The following RSPH14 variants were observed in gnomAD, a reference collection of about 807,000 sequenced individuals.
RSPH14 encodes the protein rhabdoid tumor deletion region gene 1.
RSPH14 carries 20 observed loss-of-function variants against 26.7 expected under a neutral mutation model. The ratio of observed to expected loss-of-function variants is 0.75; its 90% CI spans 0.53 to 1.09. The LOEUF is 1.09. Among genes scored for constraint, RSPH14 ranks in the 50% least tolerant of loss-of-function variants. The pLI, the probability that RSPH14 is intolerant of heterozygous loss-of-function variation, is 0.00. For missense variants in RSPH14, 449 were observed against 457.2 expected, an observed-to-expected ratio of 0.98 and a Z score of 0.16; for synonymous variants, 177 against 189.3, an observed-to-expected ratio of 0.93 and a Z score of 0.53.
intron 4 of RSPH14, among the ~76,000 whole-genome samples, chr22:23,117,597 G>C (rs2069886841): frequency 6.6e-6 from 1 of 152,260 alleles, no homozygotes; most frequent in Non-Finnish European, 1.5e-5. Context: ...GCGAATCACA[G>C]TGGGTGTGGC....
At chr22:23,145,556 G>C, upstream of RSPH14, 1 of 1,598,856 alleles carries the variant, frequency 6.3e-7, no homozygotes, top group South Asian at 1.1e-5. Flanking sequence ...TCGCTGGTGA[G>C]TCAGCTCGCC....
chr22:23,064,090 T>C lies in RSPH14; in HGVS notation c.465A>G (p.Val155=). 5 of 1,614,100 alleles carry C rather than the reference T, an allele frequency of 3.1e-6. No individual in the cohort carries two copies. The highest frequency in any genetic ancestry group is 1.3e-5 in the African/African-American group (1 of 75,028). The change falls in exon 5 of 7, where the codon GTA becomes GTG. Residue 155 remains valine (V), a synonymous_variant. Transcript: ENST00000216036. ...CCTCCACCTCCACCTGCAGCTTCCATACCAGTGAGGAAATCAGACCTTTGC... is the reference window on the plus strand; with the variant it reads ...CCTCCACCTCCACCTGCAGCTTCCACACCAGTGAGGAAATCAGACCTTTGC... ...IISKGLISSL[V]WKLQVEVEEE...
At chr22:23,079,383 A>G (rs968184700) in intron 4 of RSPH14, among the ~76,000 whole-genome samples, 1 of 152,184 alleles carries the variant, frequency 6.6e-6, no homozygotes, top group African/African-American at 2.4e-5. Context: ...GGAGGAAGGA[A>G]CAGCCAGTGC....
chr22:23,153,935 C>T, the RSPH14 span, among the ~76,000 whole-genome samples: 9 of 152,054 alleles, frequency 5.9e-5, no homozygotes, highest in Admixed American at 3.9e-4. Context: ...GTGCTCCACC[C>T]GCTTCAGCCT....
At chr22:23,156,031 G>A in the RSPH14 span, 1 of 1,611,648 alleles carries the variant, frequency 6.2e-7, no homozygotes, top group African/African-American at 1.3e-5. Context: ...GGGGTGCCCA[G>A]GGTGAGCAAC....
the RSPH14 span, among the ~76,000 whole-genome samples, chr22:23,165,496 A>G: frequency 6.6e-6 from 1 of 152,352 alleles, no homozygotes; most frequent in Non-Finnish European, 1.5e-5. Context: ...GTTTCAGGGC[A>G]GAACTGAACA....
the RSPH14 span, among the ~76,000 whole-genome samples, chr22:23,151,445 A>G: frequency 6.6e-6 from 1 of 152,186 alleles, no homozygotes; most frequent in Non-Finnish European, 1.5e-5. Flanking sequence ...TGGCAAGGTG[A>G]CCTGCAGCCC....
upstream of RSPH14, chr22:23,145,469 T>A (rs139785219): frequency 3.8e-4 from 609 of 1,609,664 alleles, 6 homozygotes; most frequent in East Asian, 0.013. Flanking sequence ...AGGTCCCGCG[T>A]GGCTCTCGTT....
chr22:23,145,988 A>G (rs1381370545), upstream of RSPH14: 2 of 985,186 alleles, frequency 2.0e-6, no homozygotes, highest in South Asian at 4.7e-5. Context: ...TCCCCACTCT[A>G]CTTCCACTGC....
At chr22:23,153,429 G>T in the RSPH14 span, 3 of 344,754 alleles carry the variant, frequency 8.7e-6, no homozygotes, top group South Asian at 1.2e-4. Flanking sequence ...CCTGGCTCCA[G>T]TCCCTCCCTG....
chr22:23,180,119 C>A, the RSPH14 span: 1 of 260,468 alleles, frequency 3.8e-6, no homozygotes, highest in East Asian at 7.6e-5. Context: ...AGCTCTTGTC[C>A]CGGAACATGA....
upstream of RSPH14, among the ~76,000 whole-genome samples, chr22:23,144,769 G>A (rs2070683692): frequency 6.6e-6 from 1 of 151,956 alleles, no homozygotes; most frequent in African/African-American, 2.4e-5. Flanking sequence ...TTAGATCTGT[G>A]TACCAAGGCT....
At chr22:23,095,624 C>G in intron 4 of RSPH14, 1 of 1,510,510 alleles carries the variant, frequency 6.6e-7, no homozygotes, top group South Asian at 1.3e-5. Flanking sequence ...TGCCTGGTCT[C>G]AGTGTCCCCT....
chr22:23,127,261 A>G (rs2070206692), intron 4 of RSPH14, among the ~76,000 whole-genome samples: 1 of 152,082 alleles, frequency 6.6e-6, no homozygotes. Context: ...GGATGAGCTC[A>G]CCTCACCCAG....
At chr22:23,136,486 G>A (rs1310317159) in intron 3 of RSPH14, among the ~76,000 whole-genome samples, 4 of 137,536 alleles carry the variant, frequency 2.9e-5, no homozygotes, top group African/African-American at 7.8e-5. Flanking sequence ...AGGAGTGCAC[G>A]GGCCAGGCCA....
chr22:23,157,416 A>G, the RSPH14 span, among the ~76,000 whole-genome samples: 1 of 151,900 alleles, frequency 6.6e-6, no homozygotes, highest in African/African-American at 2.4e-5. Flanking sequence ...ACACCCAGCT[A>G]ATTTTTTTGT....
intron 4 of RSPH14, among the ~76,000 whole-genome samples, chr22:23,068,224 G>C (rs2068255062): frequency 1.3e-5 from 2 of 152,132 alleles, no homozygotes. Flanking sequence ...CTATGTCACT[G>C]GCCACCTCCA....
At chr22:23,115,402 G>A (rs977343961) in intron 4 of RSPH14, among the ~76,000 whole-genome samples, 1 of 152,216 alleles carries the variant, frequency 6.6e-6, no homozygotes, top group Admixed American at 6.5e-5. Flanking sequence ...CATCTCTGGG[G>A]TGTGTGCAAG....
At chr22:23,157,505 C>T in the RSPH14 span, among the ~76,000 whole-genome samples, 5 of 152,176 alleles carry the variant, frequency 3.3e-5, no homozygotes, top group South Asian at 6.2e-4. Context: ...GTGATCCACC[C>T]GCCTCAGCCT....
Sources: gnomAD v4.1 joint callset for allele counts (sites outside exome capture counted in the v4.1 genomes callset) on GRCh38, gnomAD v4.1.1 for gene constraint, MANE v1.5 for transcripts, NCBI Gene and HGNC (gene_info 2026-07-23, HGNC 2026-07-21) for gene names.